Variants in TP63 observed in about 807,000 individuals in gnomAD.
TP63 encodes tumor protein p63, also known as tumor protein 63.
In TP63, 17 loss-of-function variants were observed where a neutral mutation model predicts 82.8. The observed-to-expected ratio is 0.21, with a 90% CI of 0.14 to 0.31. The LOEUF is 0.31. TP63 is among the 10% of genes least tolerant of loss of function. The pLI is 1.00. For missense variants in TP63, 648 were observed against 895.3 expected, an observed-to-expected ratio of 0.72 and a Z score of 3.52; for synonymous variants, 330 against 321.7, an observed-to-expected ratio of 1.03 and a Z score of -0.28.
At chr3:189,699,127 C>A (rs1320315131) in intron 1 of TP63, among the ~76,000 whole-genome samples, 1 of 152,120 alleles carries the variant, frequency 6.6e-6, no homozygotes, top group African/African-American at 2.4e-5. Flanking sequence ...TTCCTTCATA[C>A]AATACAGTGA....
At chr3:189,723,237 G>C (rs942141608) in intron 1 of TP63, among the ~76,000 whole-genome samples, 3 of 152,178 alleles carry the variant, frequency 2.0e-5, no homozygotes, top group Non-Finnish European at 4.4e-5. Flanking sequence ...TTGAAGGTTA[G>C]AGAGGTTGCA....
At chr3:189,749,507 T>C (rs188102053) in intron 3 of TP63, among the ~76,000 whole-genome samples, 1 of 152,034 alleles carries the variant, frequency 6.6e-6, no homozygotes, top group Non-Finnish European at 1.5e-5. Context: ...CTTATGCCAG[T>C]TAGTTTATTT....
At chr3:189,669,427 A>C (rs1714699709) in intron 1 of TP63, among the ~76,000 whole-genome samples, 1 of 152,074 alleles carries the variant, frequency 6.6e-6, no homozygotes, top group Admixed American at 6.6e-5. Context: ...CAAAAACTCA[A>C]ACCTACAGGA....
chr3:189,691,555 T>C (rs1716934074), intron 1 of TP63, among the ~76,000 whole-genome samples: 1 of 152,150 alleles, frequency 6.6e-6, no homozygotes. Flanking sequence ...TCCCAAGCTG[T>C]GTCAACCACA....
At chr3:189,603,693 G>A in the TP63 span, among the ~76,000 whole-genome samples, 26 of 132,678 alleles carry the variant, frequency 2.0e-4, no homozygotes, top group African/African-American at 6.8e-4. Flanking sequence ...CAGTCCTGGA[G>A]TTACAGATTT....
chr3:189,625,454 A>G, the TP63 span, among the ~76,000 whole-genome samples: 2 of 46,212 alleles, frequency 4.3e-5, no homozygotes, highest in African/African-American at 1.1e-4. Context: ...AAAAGATACT[A>G]AAAAAAAAAG....
chr3:189,598,248 GAGAGGAGGGGAGAGGAAGGGAGAGT>G, the TP63 span, among the ~76,000 whole-genome samples: 2 of 151,210 alleles, frequency 1.3e-5, no homozygotes, highest in East Asian at 2.0e-4. Flanking sequence ...AGATGGAGAG[GAGAGGAGGGGAGAGGAAGGGAGAGT>G]AGAGGAGGGG....
At chr3:189,883,183 A>AT (rs34169907) in intron 10 of TP63, among the ~76,000 whole-genome samples, 79,601 of 148,042 alleles carry the variant, frequency 0.54, 21,579 homozygotes, top group African/African-American at 0.66. Flanking sequence ...TAAATTTGTA[A>AT]TTTTTTTTAA....
intron 1 of TP63, among the ~76,000 whole-genome samples, chr3:189,638,321 A>G (rs559019566): frequency 4.1e-4 from 62 of 152,126 alleles, no homozygotes; most frequent in Non-Finnish European, 6.9e-4. Context: ...GGAAGGTAGA[A>G]TATATGAGTG....
intron 4 of TP63, among the ~76,000 whole-genome samples, chr3:189,827,321 T>C (rs1007223774): frequency 6.6e-6 from 1 of 152,158 alleles, no homozygotes; most frequent in South Asian, 2.1e-4. Context: ...GAAGCATTAA[T>C]TGTAGATGAA....
In TP63 at chr3:189,867,932, G is replaced by C; in HGVS notation, c.982G>C (p.Glu328Gln). 6.2e-7 allele frequency: 1 copy of C among 1,613,722 alleles called. No individual in the cohort carries two copies. The highest frequency in any genetic ancestry group is 8.5e-7 in the Non-Finnish European group (1 of 1,179,776). Residue 328 changes from glutamate to glutamine, a missense_variant, in exon 7 of 14, where the codon GAA (glutamate) becomes CAA (glutamine). Around this residue, in one of 5 missense-constraint regions of TP63, gnomAD observed 30 missense variants for 85.4 expected, o/e 0.35. Coordinates refer to ENST00000264731, the MANE Select transcript of TP63 (RefSeq NM_003722.5). ...TCCAATTTTAATCATTGTTACTCTG[G>C]AAACCAGAGAGTAAGTGGCGTATGT... ...RRPILIIVTLETRDGQVLGRR... is the reference protein window; with the variant it reads ...RRPILIIVTLQTRDGQVLGRR...
intron 1 of TP63, among the ~76,000 whole-genome samples, chr3:189,637,381 C>T (rs1468297266): frequency 6.6e-6 from 1 of 152,150 alleles, no homozygotes; most frequent in African/African-American, 2.4e-5. Context: ...TGCCTTCCAA[C>T]AATTGTGTCT....
At chr3:189,868,430 A>G in intron 7 of TP63, 150 bp from the exon 8 acceptor site, 1 of 1,062,836 alleles carries the variant, frequency 9.4e-7, no homozygotes, top group Non-Finnish European at 1.4e-6. Flanking sequence ...TGTTCTGCCA[A>G]GTGCTTTTGG....
At chr3:189,605,286 A>G in the TP63 span, among the ~76,000 whole-genome samples, 1 of 152,376 alleles carries the variant, frequency 6.6e-6, no homozygotes, top group Non-Finnish European at 1.5e-5. Flanking sequence ...CTTTAACAAG[A>G]AGTTTCACAT....
intron 1 of TP63, among the ~76,000 whole-genome samples, chr3:189,657,297 A>G (rs1258376880): frequency 6.6e-6 from 1 of 152,112 alleles, no homozygotes; most frequent in Non-Finnish European, 1.5e-5. Flanking sequence ...CAAAACCAAG[A>G]GACCATTACG....
chr3:189,607,714 A>G, the TP63 span, among the ~76,000 whole-genome samples: 1 of 151,990 alleles, frequency 6.6e-6, no homozygotes, highest in Admixed American at 6.6e-5. Context: ...AAATTATCGT[A>G]CATATAAAAA....
chr3:189,787,265 G>C (rs1724682250), intron 3 of TP63, among the ~76,000 whole-genome samples: 1 of 152,066 alleles, frequency 6.6e-6, no homozygotes, highest in South Asian at 2.1e-4. Flanking sequence ...AAAATCAGAG[G>C]AATATCCTCT....
At chr3:189,732,156 A>G (rs1720217304) in intron 1 of TP63, among the ~76,000 whole-genome samples, 1 of 152,180 alleles carries the variant, frequency 6.6e-6, no homozygotes, top group South Asian at 2.1e-4. Context: ...ATCAAGTCCC[A>G]CCGACAATGG....
intron 1 of TP63, among the ~76,000 whole-genome samples, chr3:189,709,801 C>G (rs888742556): frequency 6.6e-6 from 1 of 152,134 alleles, no homozygotes; most frequent in African/African-American, 2.4e-5. Context: ...TATGGATAAG[C>G]TACAGTTAGG....
Sources: gnomAD v4.1 joint callset for allele counts (sites outside exome capture counted in the v4.1 genomes callset) on GRCh38, gnomAD v4.1.1 for gene constraint, gnomAD v4.1.1 regional missense constraint, MANE v1.5 for transcripts, NCBI Gene and HGNC (gene_info 2026-07-23, HGNC 2026-07-21) for gene names.